The following ZNF546 variants were observed in gnomAD, a reference collection of about 807,000 sequenced individuals.
The protein encoded by ZNF546 is zinc finger protein 546.
In ZNF546, 60 loss-of-function variants were observed where a neutral mutation model predicts 76.2. The ratio of observed to expected loss-of-function variants is 0.79; its 90% CI spans 0.64 to 0.98. ZNF546 has a LOEUF of 0.98. ZNF546 is among the 50% of genes least tolerant of loss of function. The pLI is 0.00. For missense variants in ZNF546, 936 were observed against 1,035.6 expected, an observed-to-expected ratio of 0.90 and a Z score of 1.32; for synonymous variants, 277 against 328.1, an observed-to-expected ratio of 0.84 and a Z score of 1.68.
Position 40,015,992 on chromosome 19 carries a change from A to C in ZNF546, c.*211A>C, listed in dbSNP as rs568767588. On this transcript the variant is annotated 3_prime_UTR_variant, in exon 7 of 7. Transcript: ENST00000347077. ...ATTGATACTGATGCACTGCATCCCAAACCATCAAGGGCCTTTTCCCCTACA... is the reference window on the plus strand; with the variant it reads ...ATTGATACTGATGCACTGCATCCCACACCATCAAGGGCCTTTTCCCCTACA... 1.7e-6 allele frequency: 1 copy of C among 572,596 alleles called. No homozygotes were observed. The highest frequency in any genetic ancestry group is 1.9e-5 in the African/African-American group (1 of 53,454). 35.5% of individuals were successfully genotyped at this position (572,596 alleles called of 1,614,324 possible). A position where few individuals can be genotyped will look rare whatever the true frequency, so the allele number is the denominator to read the frequency against.
intron 6 of ZNF546, among the ~76,000 whole-genome samples, chr19:40,008,794 C>T (rs369615850): frequency 1.4e-4 from 22 of 152,232 alleles, no homozygotes; most frequent in African/African-American, 5.3e-4. Flanking sequence ...TTTCTCTCCT[C>T]TTTCAAAGTG....
Position 40,006,087 on chromosome 19 carries a change from T to TC in ZNF546, c.85-3dup. 1 of 1,613,334 alleles carries TC rather than the reference T, an allele frequency of 6.2e-7. No homozygotes were observed. ...ATCTGGTCTCAGAGTCACTTGTTCT[T>TC]CCCCCCAGCCCCGGTTTCTCTGGAT... On this transcript the variant is annotated splice_polypyrimidine_tract_variant and intron_variant, in intron 3 of 6. Coordinates refer to ENST00000347077, the MANE Select transcript of ZNF546 (RefSeq NM_178544.5).
Position 40,015,412 on chromosome 19 carries a change from T to A in ZNF546, c.2142T>A (p.Ile714=). The A allele has an allele frequency of 6.2e-7, 1 of 1,614,192 alleles. No homozygotes were observed. Among genetic ancestry groups the A allele is most frequent in the Non-Finnish European group, 8.5e-7 (1 of 1,180,028 alleles). ...ATCGACTTACATTACATCAAAGAAT[T>A]CACACTGGTGAGCTTCCATATGAAT... is the stretch of plus-strand genomic sequence containing the variant. ...CSYRLTLHQR[I]HTGELPYECK... The change falls in exon 7 of 7, where the codon ATT becomes ATA. Residue 714 remains isoleucine, a synonymous_variant. Coordinates refer to ENST00000347077, the MANE Select transcript of ZNF546 (RefSeq NM_178544.5).
rs546130223 is a variant in ZNF546 at position 40,013,640 on chromosome 19, CTTTTTT to C, written c.395-10_395-5del. On this transcript the variant is annotated intron_variant, in intron 6 of 6. Transcript: ENST00000347077. ...CATTATAGCATTTGTTTACTCTTTG[CTTTTTT>C]TTTTTTTTTTTTTTGCAGATTTGGA... is the stretch of plus-strand genomic sequence containing the variant. The C allele has an allele frequency of 2.0e-4, 218 of 1,091,252 alleles. No homozygotes were observed. The highest frequency in any genetic ancestry group is 6.3e-4 in the African/African-American group (31 of 49,584). 67.6% of individuals were successfully genotyped at this position (1,091,252 alleles called of 1,614,324 possible). A position where few individuals can be genotyped will look rare whatever the true frequency, so the allele number is the denominator to read the frequency against.
At chr19:40,012,090 T>C (rs1971678902) in intron 6 of ZNF546, among the ~76,000 whole-genome samples, 2 of 151,976 alleles carry the variant, frequency 1.3e-5, no homozygotes, top group African/African-American at 4.8e-5. Flanking sequence ...AATTCTTGAC[T>C]AGCAATGAGT....
At chr19:40,005,009 CTTTTTTTT>C (rs752081163) in intron 3 of ZNF546, among the ~76,000 whole-genome samples, 1 of 86,842 alleles carries the variant, frequency 1.2e-5, no homozygotes, top group Non-Finnish European at 2.1e-5. Flanking sequence ...CTGCATGCAT[CTTTTTTTT>C]TTTTTTTTTT....
intron 5 of ZNF546, 135 bp from the exon 6 acceptor site, chr19:40,008,335 A>G (rs1971631918): frequency 1.9e-6 from 1 of 528,400 alleles, no homozygotes; most frequent in Non-Finnish European, 3.4e-6. Flanking sequence ...TTTCTTCTTT[A>G]CTGTCATGGC....
At position 40,013,917 on chromosome 19, in the gene ZNF546, CAT is replaced by C; in HGVS notation, c.650_651del (p.Tyr217Ter). ...CCAAAAATTCATGCTAGAGAGAAAT[CAT>C]ATGAATGTAAGGAATGTAGAAAGGC... On this transcript the variant is annotated frameshift_variant, in exon 7 of 7. Transcript: ENST00000347077. LOFTEE classifies it high-confidence loss of function. 1 of 1,608,198 alleles carries C rather than the reference CAT, an allele frequency of 6.2e-7. No homozygotes were observed. The highest frequency in any genetic ancestry group is 8.5e-7 in the Non-Finnish European group (1 of 1,177,364).
At position 40,008,768 on chromosome 19, in the gene ZNF546, T is replaced by A. The variant is rs780111929; in HGVS notation, c.394+203T>A. Among the ~76,000 whole-genome samples, 55 of 152,342 alleles carry A rather than the reference T, an allele frequency of 3.6e-4. 1 individual carries two copies. The highest frequency in any genetic ancestry group is 5.6e-4 in the Non-Finnish European group (38 of 68,026). On this transcript the variant is annotated intron_variant, in intron 6 of 6. Coordinates refer to ENST00000347077, the MANE Select transcript of ZNF546 (RefSeq NM_178544.5). ...TTTACCCAATTTGCCATACTCCTTG[T>A]TTCTCTTCTCTCGTATTTCTCTCCT... is the stretch of plus-strand genomic sequence containing the variant.
In ZNF546 at chr19:40,014,104, T is replaced by G. The variant is rs771530418; in HGVS notation, c.834T>G (p.Cys278Trp). The change falls in exon 7 of 7, where the codon TGT (cysteine) becomes TGG (tryptophan). Residue 278 changes from cysteine (C) to tryptophan (W), a missense_variant. By Grantham distance (215) the Cys-to-Trp change is radical. Transcript: ENST00000347077. ...AGAGACCCTATGAATGTAAAGAATG[T>G]GGGAAGGCCTTTAGACTTCATTATC... ...AGERPYECKE[C>W]GKAFRLHYHL... 9.9e-6 allele frequency: 16 copies of G among 1,613,840 alleles called. No homozygotes were observed. The highest frequency in any genetic ancestry group is 3.3e-5 in the Admixed American group (2 of 60,000).
At chr19:40,001,795 C>A (rs564603249) in intron 3 of ZNF546, among the ~76,000 whole-genome samples, 1 of 152,224 alleles carries the variant, frequency 6.6e-6, no homozygotes, top group African/African-American at 2.4e-5. Flanking sequence ...GAGACTCAAA[C>A]TTTACTAGAA....
chr19:39,998,899 G>A (rs1300829984), intron 3 of ZNF546, among the ~76,000 whole-genome samples: 9 of 151,964 alleles, frequency 5.9e-5, no homozygotes, highest in Admixed American at 2.0e-4. Flanking sequence ...CAGCCTCCCA[G>A]GTAGCTGGGA....
In ZNF546 at chr19:40,016,539, G is replaced by C. The variant is rs943586543; in HGVS notation, c.*758G>C. 6.6e-6 allele frequency: 1 copy of C among 151,922 alleles called. No homozygotes were observed. The highest frequency in any genetic ancestry group is 1.5e-5 in the Non-Finnish European group (1 of 67,988). 9.4% of individuals were successfully genotyped at this position (151,922 alleles called of 1,614,324 possible). A position where few individuals can be genotyped will look rare whatever the true frequency, so the allele number is the denominator to read the frequency against. ...TGTCTCTTAAATAAATAAATAAATAGATTACCAGAAAAATGAAAAGAAAAA... is the reference window on the plus strand; with the variant it reads ...TGTCTCTTAAATAAATAAATAAATACATTACCAGAAAAATGAAAAGAAAAA... On this transcript the variant is annotated 3_prime_UTR_variant, in exon 7 of 7. Coordinates refer to ENST00000347077, the MANE Select transcript of ZNF546 (RefSeq NM_178544.5).
intron 3 of ZNF546, among the ~76,000 whole-genome samples, chr19:40,005,689 CAA>C (rs767589624): frequency 2.4e-4 from 31 of 126,632 alleles, no homozygotes; most frequent in Admixed American, 3.2e-4. Context: ...ACCCTGTCTC[CAA>C]AAAAAAAAAA....
In ZNF546 at chr19:40,015,221, C is replaced by G; in HGVS notation, c.1951C>G (p.His651Asp). ...ECGKAFIRSTHLTQHHRIHTG... is the reference protein window; with the variant it reads ...ECGKAFIRSTDLTQHHRIHTG... Reference sequence around the variant, plus strand: ...TGGGAAGGCCTTTATTCGTAGCACTCATCTCACGCAACATCACAGAATTCA... The same window carrying G: ...TGGGAAGGCCTTTATTCGTAGCACTGATCTCACGCAACATCACAGAATTCA... The change falls in exon 7 of 7, where the codon CAT (histidine) becomes GAT (aspartate). Residue 651 changes from histidine (H) to aspartate (D), a missense_variant. Transcript: ENST00000347077. The G allele has an allele frequency of 6.2e-7, 1 of 1,613,566 alleles. No homozygotes were observed. Among genetic ancestry groups the G allele is most frequent in the Admixed American group, 1.7e-5 (1 of 59,998 alleles).
chr19:40,003,413 A>G (rs2144639196), intron 3 of ZNF546, among the ~76,000 whole-genome samples: 1 of 152,340 alleles, frequency 6.6e-6, no homozygotes. Flanking sequence ...TAATGATTCA[A>G]AGTGAGGCTA....
intron 5 of ZNF546, 145 bp downstream of exon 5, chr19:40,007,545 G>A (rs933520617): frequency 6.1e-6 from 5 of 825,476 alleles, no homozygotes; most frequent in Non-Finnish European, 8.4e-6. Flanking sequence ...GGTGGAAATG[G>A]GCACCTGTGT....
intron 3 of ZNF546, among the ~76,000 whole-genome samples, chr19:40,002,674 T>C (rs1971544652): frequency 6.6e-6 from 1 of 151,792 alleles, no homozygotes; most frequent in South Asian, 2.1e-4. Context: ...ACCTGAAATA[T>C]GGCTAGTGTG....
At chr19:40,004,384 C>T (rs1971576238) in intron 3 of ZNF546, among the ~76,000 whole-genome samples, 1 of 151,944 alleles carries the variant, frequency 6.6e-6, no homozygotes, top group African/African-American at 2.4e-5. Flanking sequence ...TCTCCTTCCT[C>T]AGCCTCCCAA....
Sources: gnomAD v4.1 joint callset for allele counts (sites outside exome capture counted in the v4.1 genomes callset) on GRCh38, gnomAD v4.1.1 for gene constraint, MANE v1.5 for transcripts, NCBI Gene and HGNC (gene_info 2026-07-23, HGNC 2026-07-21) for gene names.